IGF2BP1: variants seen among roughly 807,000 people sequenced by gnomAD.
IGF2BP1 encodes the protein insulin like growth factor 2 mRNA binding protein 1.
In IGF2BP1, 11 loss-of-function variants were observed where a neutral mutation model predicts 74.9. The observed-to-expected ratio is 0.15, with a 90% CI of 0.09 to 0.24. The LOEUF (loss-of-function observed/expected upper bound fraction) is 0.24, where lower values mean the gene tolerates loss of function less well. Ranked by LOEUF, IGF2BP1 falls within the 10% of genes least tolerant of loss-of-function variation. The pLI, the probability that IGF2BP1 is intolerant of heterozygous loss-of-function variation, is 1.00. For synonymous variants in IGF2BP1, 287 were observed against 281.8 expected (o/e 1.02, Z -0.18); for missense variants, 440 against 757.4 (o/e 0.58, Z 4.92).
At chr17:49,049,249 C>CTGT in intron 14 of IGF2BP1, 103 bp from the exon 15 acceptor site, 1 of 854,344 alleles carries the variant, frequency 1.2e-6, no homozygotes, top group South Asian at 1.5e-5. Context: ...CCTGTGTGAC[C>CTGT]TGTTCTGTTT....
chr17:49,014,350 C>T (rs2041664685), intron 2 of IGF2BP1, among the ~76,000 whole-genome samples: 1 of 149,824 alleles, frequency 6.7e-6, no homozygotes, highest in African/African-American at 2.5e-5. Flanking sequence ...CCCTCAGTGG[C>T]CCGCTCTGCT....
At chr17:49,007,733 G>A (rs1010620539) in intron 2 of IGF2BP1, among the ~76,000 whole-genome samples, 3 of 152,172 alleles carry the variant, frequency 2.0e-5, no homozygotes, top group African/African-American at 7.2e-5. Flanking sequence ...GGAGCTGTTG[G>A]GTGGAGTAAA....
chr17:49,049,545 C>T lies in IGF2BP1; in HGVS notation c.*101C>T. 2 of 918,666 alleles carry T rather than the reference C, an allele frequency of 2.2e-6. No individual in the cohort carries two copies. Among genetic ancestry groups the T allele is most frequent in the Non-Finnish European group, 3.4e-6 (2 of 588,048 alleles). 56.9% of individuals were successfully genotyped at this position (918,666 alleles called of 1,614,324 possible). A position where few individuals can be genotyped will look rare whatever the true frequency, so the allele number is the denominator to read the frequency against. Reference sequence around the variant, plus strand: ...GAGAATGAGTGGGAATCCGGGACACCTGGGCCGGGCTGTAGATCAGGTTTG... The same window carrying T: ...GAGAATGAGTGGGAATCCGGGACACTTGGGCCGGGCTGTAGATCAGGTTTG... On this transcript the variant is annotated 3_prime_UTR_variant, in exon 15 of 15. Coordinates refer to ENST00000290341, the MANE Select transcript of IGF2BP1 (RefSeq NM_006546.4).
chr17:49,023,511 A>G (rs2041816505), intron 2 of IGF2BP1, among the ~76,000 whole-genome samples: 1 of 152,208 alleles, frequency 6.6e-6, no homozygotes, highest in African/African-American at 2.4e-5. Context: ...AGGACAGCCA[A>G]GGTCAACACT....
At position 49,049,447 on chromosome 17, in the gene IGF2BP1, A is replaced by T. The variant is rs747526677; in HGVS notation, c.*3A>T. The T allele has an allele frequency of 9.9e-6, 16 of 1,612,944 alleles. No homozygotes were observed. The highest frequency in any genetic ancestry group is 1.4e-5 in the Non-Finnish European group (16 of 1,179,056). On this transcript the variant is annotated 3_prime_UTR_variant, in exon 15 of 15. Coordinates refer to ENST00000290341, the MANE Select transcript of IGF2BP1 (RefSeq NM_006546.4). ...AGGCCCAGGCACGGAGGAAGTGACC[A>T]GCCCCTCCCTGTCCCTTCGAGTCCA... is the stretch of plus-strand genomic sequence containing the variant.
rs1395626977 is a variant in IGF2BP1 at position 49,056,039 on chromosome 17, T to C, written c.*6595T>C. ...ACGTTGGAGTTTGTTCTTTGATGGA[T>C]GAACGAACACTCCAGTTTTCTTTCC... is the stretch of plus-strand genomic sequence containing the variant. On this transcript the variant is annotated 3_prime_UTR_variant, in exon 15 of 15. Transcript: ENST00000290341. Among the ~76,000 whole-genome samples the C allele has an allele frequency of 6.6e-6, 1 of 151,998 alleles. No individual in the cohort carries two copies. Among genetic ancestry groups the C allele is most frequent in the African/African-American group, 2.4e-5 (1 of 41,386 alleles).
rs577416770 is a variant in IGF2BP1 at position 49,024,222 on chromosome 17, C to T, written c.237-1396C>T. Among the ~76,000 whole-genome samples the T allele has an allele frequency of 1.6e-4, 24 of 151,428 alleles. No homozygotes were observed. The South Asian group carries it at 5.0e-3, about 32-fold the overall frequency. The stretch of plus-strand genomic sequence containing the variant: ...TTGGGATTACAGGCGTGAGCCACCG[C>T]GCGTGGCTAAAAATTACATTTTAAA... On this transcript the variant is annotated intron_variant, in intron 2 of 14. Coordinates refer to ENST00000290341, the MANE Select transcript of IGF2BP1 (RefSeq NM_006546.4).
intron 2 of IGF2BP1, among the ~76,000 whole-genome samples, chr17:49,003,313 A>G (rs1000008188): frequency 3.3e-5 from 5 of 152,208 alleles, no homozygotes; most frequent in Non-Finnish European, 7.3e-5. Context: ...TATTTATACT[A>G]TACTTTAATG....
chr17:49,040,194 AG>A, intron 7 of IGF2BP1, 103 bp downstream of exon 7: 1 of 1,247,588 alleles, frequency 8.0e-7, no homozygotes, highest in East Asian at 2.4e-5. Context: ...AAATACAGTC[AG>A]CAATTGCACA....
At chr17:49,018,114 A>G (rs1376207735) in intron 2 of IGF2BP1, 1 of 152,274 alleles carries the variant, frequency 6.6e-6, no homozygotes, top group Non-Finnish European at 1.5e-5. Flanking sequence ...TGGACTGGCC[A>G]CGCTGTAAGA....
At chr17:49,010,380 G>A (rs1004755074) in intron 2 of IGF2BP1, among the ~76,000 whole-genome samples, 6 of 138,966 alleles carry the variant, frequency 4.3e-5, no homozygotes, top group Middle Eastern at 4.1e-3. Flanking sequence ...GCAGGGGCAC[G>A]ATCTTGGCTC....
intron 2 of IGF2BP1, among the ~76,000 whole-genome samples, chr17:49,016,410 C>T (rs1055892307): frequency 2.6e-5 from 4 of 151,882 alleles, no homozygotes; most frequent in Non-Finnish European, 4.4e-5. Flanking sequence ...TGTGTGTGTG[C>T]GTGCGCACGT....
chr17:49,018,876 G>T (rs76186740), intron 2 of IGF2BP1, among the ~76,000 whole-genome samples: 3 of 152,278 alleles, frequency 2.0e-5, no homozygotes, highest in African/African-American at 7.2e-5. Flanking sequence ...TGGCCTGGGG[G>T]AGGGGTGGAG....
chr17:49,032,525 A>G (rs1440457919), intron 5 of IGF2BP1, among the ~76,000 whole-genome samples: 1 of 152,164 alleles, frequency 6.6e-6, no homozygotes, highest in Non-Finnish European at 1.5e-5. Flanking sequence ...CGTCTCACTC[A>G]CTGTTACAGA....
chr17:49,039,404 C>A (rs1452147389), intron 6 of IGF2BP1, among the ~76,000 whole-genome samples: 1 of 152,022 alleles, frequency 6.6e-6, no homozygotes, highest in East Asian at 1.9e-4. Flanking sequence ...TTCTTGTCCC[C>A]AACCACTGCT....
Position 48,999,186 on chromosome 17 carries a change from T to G in IGF2BP1, c.236+17T>G. On this transcript the variant is annotated intron_variant, in intron 2 of 14. Coordinates refer to ENST00000290341, the MANE Select transcript of IGF2BP1 (RefSeq NM_006546.4). Reference sequence around the variant, plus strand: ...AAAACAAAGGTAGGAAAGAGCTCTTTTCGGGGGGGGTGGGGGGGCCGCGGG... The same window carrying G: ...AAAACAAAGGTAGGAAAGAGCTCTTGTCGGGGGGGGTGGGGGGGCCGCGGG... 1 of 605,548 alleles carries G rather than the reference T, an allele frequency of 1.7e-6. No individual in the cohort carries two copies. Among genetic ancestry groups the G allele is most frequent in the Non-Finnish European group, 2.8e-6 (1 of 363,138 alleles). The allele number at this position is 605,548 out of a possible 1,614,324, so 37.5% of individuals were successfully genotyped here. A position where few individuals can be genotyped will look rare whatever the true frequency, so the allele number is the denominator to read the frequency against.
intron 9 of IGF2BP1, 135 bp from the exon 10 acceptor site, chr17:49,043,293 G>T (rs2042072998): frequency 2.0e-6 from 2 of 984,680 alleles, no homozygotes; most frequent in Non-Finnish European, 3.1e-6. Flanking sequence ...CACAGAATAG[G>T]CTTTTGTGGA....
intron 7 of IGF2BP1, among the ~76,000 whole-genome samples, chr17:49,041,072 G>A (rs948199546): frequency 2.6e-5 from 4 of 152,094 alleles, no homozygotes; most frequent in South Asian, 2.1e-4. Flanking sequence ...CCAGCTACTC[G>A]GAAGGCTGAG....
At chr17:48,999,449 G>C (rs1012970113) in intron 2 of IGF2BP1, among the ~76,000 whole-genome samples, 1 of 152,136 alleles carries the variant, frequency 6.6e-6, no homozygotes, top group African/African-American at 2.4e-5. Context: ...GAGAAACCTT[G>C]TGGAGTTTGT....
Sources: allele counts gnomAD v4.1 joint callset (sites outside exome capture counted in the v4.1 genomes callset), GRCh38; gene constraint gnomAD v4.1.1; transcripts MANE v1.5; gene names NCBI Gene and HGNC (gene_info 2026-07-23, HGNC 2026-07-21).